Variants in UBAC2 observed in about 807,000 individuals in gnomAD.
The protein encoded by UBAC2 is UBA domain containing 2.
Under a neutral mutation model 44.0 loss-of-function variants are expected in UBAC2, and 26 were observed. The ratio of observed to expected loss-of-function variants is 0.59; its 90% CI spans 0.43 to 0.82. The LOEUF is 0.82. UBAC2 is among the 40% of genes least tolerant of loss of function. The probability of loss-of-function intolerance (pLI) is 0.00; values close to 1 mark genes in which losing one functional copy is unlikely to be tolerated. For synonymous variants in UBAC2, 155 were observed against 154.3 expected, an observed-to-expected ratio of 1.00 and a Z score of -0.04; for missense variants, 329 against 419.4, an observed-to-expected ratio of 0.78 and a Z score of 1.88.
chr13:99,265,149 T>C (rs1410035619), intron 4 of UBAC2, among the ~76,000 whole-genome samples: 1 of 152,214 alleles, frequency 6.6e-6, no homozygotes, highest in East Asian at 1.9e-4. Context: ...ACCAGAACTC[T>C]CCCTTGTATG....
chr13:99,363,179 C>G (rs2045287904), intron 7 of UBAC2, among the ~76,000 whole-genome samples: 2 of 152,150 alleles, frequency 1.3e-5, no homozygotes, highest in African/African-American at 4.8e-5. Flanking sequence ...TTCCTAGACT[C>G]TGTCTTCTGT....
chr13:99,351,536 A>G, intron 7 of UBAC2: 1 of 456,750 alleles, frequency 2.2e-6, no homozygotes, highest in Non-Finnish European at 4.4e-6. Flanking sequence ...GCAGCTTTCA[A>G]AGTAACCTTT....
chr13:99,234,956 AAG>A (rs1180631534), intron 1 of UBAC2, among the ~76,000 whole-genome samples: 1 of 152,238 alleles, frequency 6.6e-6, no homozygotes, highest in African/African-American at 2.4e-5. Context: ...TATCAGAGGG[AAG>A]AGAGAAGACA....
chr13:99,281,763 T>C (rs1013270749), intron 4 of UBAC2, among the ~76,000 whole-genome samples: 3 of 152,230 alleles, frequency 2.0e-5, no homozygotes, highest in African/African-American at 7.2e-5. Context: ...TAGTAATGTT[T>C]GAAGATCTGT....
chr13:99,320,521 C>G lies in UBAC2; in HGVS notation c.561+2452C>G, dbSNP rs539163763. ...CAAAGTTACCGGCCTTCTACTATGACAAAAAATCTGATAAATCTTCATATT... is the reference window on the plus strand; with the variant it reads ...CAAAGTTACCGGCCTTCTACTATGAGAAAAAATCTGATAAATCTTCATATT... On this transcript the variant is annotated intron_variant, in intron 6 of 8. Transcript: ENST00000403766. 4.6e-5 allele frequency among the ~76,000 whole-genome samples: 7 copies of G among 152,218 alleles called. No individual in the cohort carries two copies. The South Asian group carries it at 1.4e-3, about 32-fold the overall frequency.
chr13:99,228,877 A>G (rs931100967), intron 1 of UBAC2, among the ~76,000 whole-genome samples: 2 of 152,236 alleles, frequency 1.3e-5, no homozygotes, highest in Non-Finnish European at 2.9e-5. Flanking sequence ...AGACCTTACC[A>G]GAGAGGAAAT....
At chr13:99,284,738 G>A (rs762079842) in intron 4 of UBAC2, among the ~76,000 whole-genome samples, 6 of 152,088 alleles carry the variant, frequency 3.9e-5, no homozygotes, top group Non-Finnish European at 8.8e-5. Flanking sequence ...TGTTTAATCC[G>A]GACTGTTCCT....
chr13:99,287,313 G>A (rs530904134), intron 4 of UBAC2, among the ~76,000 whole-genome samples: 3 of 152,280 alleles, frequency 2.0e-5, no homozygotes, highest in African/African-American at 7.2e-5. Context: ...CAGGTTTCAA[G>A]TAGAGCTCAT....
chr13:99,269,324 T>C (rs1485725177), intron 4 of UBAC2, among the ~76,000 whole-genome samples: 3 of 152,202 alleles, frequency 2.0e-5, no homozygotes, highest in African/African-American at 2.4e-5. Context: ...GAGAAATTAA[T>C]TGGAGTCCAG....
At chr13:99,243,268 A>G (rs1459330832) in intron 2 of UBAC2, among the ~76,000 whole-genome samples, 2 of 44,684 alleles carry the variant, frequency 4.5e-5, no homozygotes, top group African/African-American at 1.9e-4. Flanking sequence ...ATGTCCCCTT[A>G]TATGTTTTTT....
chr13:99,207,446 C>G (rs1566446212), intron 1 of UBAC2, among the ~76,000 whole-genome samples: 1 of 152,198 alleles, frequency 6.6e-6, no homozygotes, highest in South Asian at 2.1e-4. Flanking sequence ...CACCTTCTTT[C>G]CAGCTCTTAA....
intron 4 of UBAC2, 147 bp from the exon 5 acceptor site, chr13:99,313,950 T>C: frequency 1.4e-6 from 1 of 705,922 alleles, no homozygotes; most frequent in Non-Finnish European, 2.2e-6. Context: ...ATTTTGGACA[T>C]GAATCATATT....
intron 4 of UBAC2, among the ~76,000 whole-genome samples, chr13:99,262,369 G>A (rs909091180): frequency 3.3e-5 from 5 of 152,172 alleles, no homozygotes; most frequent in Non-Finnish European, 5.9e-5. Flanking sequence ...GGGAACCACT[G>A]TATAGTTAAC....
chr13:99,202,797 C>T, intron 1 of UBAC2, among the ~76,000 whole-genome samples: 1 of 152,088 alleles, frequency 6.6e-6, no homozygotes, highest in Non-Finnish European at 1.5e-5. Context: ...AAGGCTGTGT[C>T]TTACATGCTC....
At chr13:99,255,534 G>C in intron 4 of UBAC2, 1 of 1,614,168 alleles carries the variant, frequency 6.2e-7, no homozygotes, top group Non-Finnish European at 8.5e-7. Flanking sequence ...CACTAATAAA[G>C]GCAAGAAGCC....
chr13:99,269,130 C>T (rs912192156), intron 4 of UBAC2, among the ~76,000 whole-genome samples: 1 of 152,178 alleles, frequency 6.6e-6, no homozygotes, highest in South Asian at 2.1e-4. Flanking sequence ...ACTGAGGATA[C>T]TCAGGCTGTG....
At chr13:99,311,959 A>T (rs1373983900) in intron 4 of UBAC2, among the ~76,000 whole-genome samples, 3 of 152,204 alleles carry the variant, frequency 2.0e-5, no homozygotes, top group African/African-American at 7.2e-5. Context: ...TTCTCACTGG[A>T]TGGCTAGCCA....
intron 6 of UBAC2, among the ~76,000 whole-genome samples, chr13:99,335,463 A>T (rs2044774212): frequency 6.7e-6 from 1 of 150,148 alleles, no homozygotes; most frequent in African/African-American, 2.5e-5. Flanking sequence ...CCTACCCCCT[A>T]CCCTGTCCCC....
chr13:99,217,140 G>A (rs1017599078), intron 1 of UBAC2, among the ~76,000 whole-genome samples: 2 of 152,014 alleles, frequency 1.3e-5, no homozygotes, highest in Non-Finnish European at 2.9e-5. Context: ...CTCTTTCCTC[G>A]TTTTCGAATT....
Sources: gnomAD v4.1 joint callset for allele counts (sites outside exome capture counted in the v4.1 genomes callset) on GRCh38, gnomAD v4.1.1 for gene constraint, MANE v1.5 for transcripts, NCBI Gene and HGNC (gene_info 2026-07-23, HGNC 2026-07-21) for gene names.